NADSYN1: variants seen among roughly 807,000 people sequenced by gnomAD.
The protein encoded by NADSYN1 is NAD synthetase 1.
NADSYN1 carries 80 observed loss-of-function variants against 99.3 expected under a neutral mutation model. That is an observed-to-expected ratio of 0.81 (90% CI 0.67 to 0.97). NADSYN1 has a LOEUF of 0.97. NADSYN1 is among the 50% of genes least tolerant of loss of function. The pLI is 0.00. For missense variants in NADSYN1, 859 were observed against 948.5 expected, an observed-to-expected ratio of 0.91 and a Z score of 1.24; for synonymous variants, 385 against 372.1, an observed-to-expected ratio of 1.03 and a Z score of -0.40.
chr11:71,483,124 T>G, intron 14 of NADSYN1, 107 bp downstream of exon 14: 2 of 1,362,250 alleles, frequency 1.5e-6, no homozygotes, highest in Non-Finnish European at 2.1e-6. Context: ...TCATTCCGCA[T>G]CGTGTCATCC....
At chr11:71,454,521 T>G (rs1949500481) in intron 1 of NADSYN1, among the ~76,000 whole-genome samples, 1 of 152,234 alleles carries the variant, frequency 6.6e-6, no homozygotes, top group Non-Finnish European at 1.5e-5. Flanking sequence ...GGTTTTTTAT[T>G]TTTATTTTTT....
At chr11:71,499,004 C>T (rs767342536) in intron 20 of NADSYN1, 17 of 154,762 alleles carry the variant, frequency 1.1e-4, no homozygotes, top group Non-Finnish European at 2.4e-4. Flanking sequence ...CACAAGATCA[C>T]CTTTTCAAGA....
At chr11:71,486,646 C>T (rs1420749972) in intron 16 of NADSYN1, among the ~76,000 whole-genome samples, 6 of 151,774 alleles carry the variant, frequency 4.0e-5, no homozygotes, top group Non-Finnish European at 8.8e-5. Context: ...CATCTATCCA[C>T]TCATCTATCC....
chr11:71,479,263 A>AT (rs528917798), intron 10 of NADSYN1: 214 of 142,632 alleles, frequency 1.5e-3, no homozygotes, highest in South Asian at 2.0e-3. Context: ...ATTTTTTTTA[A>AT]TTTTTTTTTT....
At chr11:71,490,294 G>T (rs1949770245) in intron 16 of NADSYN1, among the ~76,000 whole-genome samples, 1 of 152,168 alleles carries the variant, frequency 6.6e-6, no homozygotes, top group African/African-American at 2.4e-5. Context: ...AAGGACCCCT[G>T]TGATTGCATT....
At position 71,498,460 on chromosome 11, in the gene NADSYN1, A is replaced by C. The variant is rs151053511; in HGVS notation, c.2002A>C (p.Arg668=). ...CGAGAACTACAGCCCTGAGGACAAC[A>C]GGTTTGATCTGCGACCATTTCTGTA... The part of the protein sequence containing the change: ...HAENYSPEDN[R]FDLRPFLYNT... The change falls in exon 20 of 21, where the codon AGG becomes CGG. Residue 668 remains arginine, a synonymous_variant. Coordinates refer to ENST00000319023, the MANE Select transcript of NADSYN1 (RefSeq NM_018161.5). The C allele has an allele frequency of 1.2e-6, 2 of 1,614,206 alleles. No individual in the cohort carries two copies. Among genetic ancestry groups the C allele is most frequent in the African/African-American group, 1.3e-5 (1 of 75,044 alleles).
intron 5 of NADSYN1, among the ~76,000 whole-genome samples, chr11:71,470,075 C>T (rs1009455158): frequency 7.9e-5 from 12 of 152,236 alleles, no homozygotes; most frequent in Admixed American, 2.6e-4. Flanking sequence ...CGGCAGAAGG[C>T]GAAAGCCATG....
At chr11:71,465,519 A>G (rs571359934) in intron 5 of NADSYN1, among the ~76,000 whole-genome samples, 1 of 152,318 alleles carries the variant, frequency 6.6e-6, no homozygotes, top group African/African-American at 2.4e-5. Flanking sequence ...CTGAATTTCC[A>G]TCTTCACCCG....
At chr11:71,468,386 G>A (rs1255539042) in intron 5 of NADSYN1, among the ~76,000 whole-genome samples, 6 of 152,184 alleles carry the variant, frequency 3.9e-5, no homozygotes, top group African/African-American at 9.7e-5. Context: ...ATAGCTGTGC[G>A]TGTAAATTAG....
At chr11:71,475,160 A>G (rs1949657066) in intron 9 of NADSYN1, 3 of 164,398 alleles carry the variant, frequency 1.8e-5, no homozygotes, top group South Asian at 1.5e-4. Flanking sequence ...AGACAGGTCC[A>G]GGGATCCCAT....
chr11:71,498,899 G>A, intron 20 of NADSYN1: 1 of 167,002 alleles, frequency 6.0e-6, no homozygotes. Context: ...ACCATGTCAT[G>A]CACTGGAGCT....
At chr11:71,464,328 T>C (rs1949572966) in intron 5 of NADSYN1, 186 bp downstream of exon 5, 3 of 549,564 alleles carry the variant, frequency 5.5e-6, no homozygotes, top group East Asian at 3.2e-5. Context: ...GAGAGAGTGA[T>C]TGAAAATGAA....
At chr11:71,490,110 T>C (rs1024709913) in intron 16 of NADSYN1, among the ~76,000 whole-genome samples, 2 of 152,170 alleles carry the variant, frequency 1.3e-5, no homozygotes, top group Non-Finnish European at 2.9e-5. Flanking sequence ...GTGGACACAG[T>C]GGGTTCCTTC....
rs1198240812 is a variant in NADSYN1, at chr11:71,490,944, C to T, written c.1662C>T (p.Cys554=). ...ACCTCAGGGCCTTCGTCCAGTTCTG[C>T]ATCCAGCGCTTCCAGCTTCCTGCCC... ...KTDLRAFVQF[C]IQRFQLPALQ... Residue 554 remains cysteine (C), a synonymous_variant, in exon 17 of 21, where the codon TGC becomes TGT. Transcript: ENST00000319023. The T allele has an allele frequency of 6.2e-7, 1 of 1,614,228 alleles. No individual in the cohort carries two copies. Among genetic ancestry groups the T allele is most frequent in the Admixed American group, 1.7e-5 (1 of 60,034 alleles).
At chr11:71,497,439 C>T in intron 18 of NADSYN1, 44 bp from the exon 19 acceptor site, 1 of 1,612,958 alleles carries the variant, frequency 6.2e-7, no homozygotes, top group Non-Finnish European at 8.5e-7. Flanking sequence ...TCTCCCCCCG[C>T]TGTGACTTGC....
intron 2 of NADSYN1, among the ~76,000 whole-genome samples, chr11:71,456,184 C>T (rs1949513359): frequency 6.6e-6 from 1 of 152,200 alleles, no homozygotes; most frequent in South Asian, 2.1e-4. Flanking sequence ...TGTGTGAGTC[C>T]AGAGGCATCT....
chr11:71,498,655 C>A, intron 20 of NADSYN1, 127 bp downstream of exon 20: 2 of 1,029,670 alleles, frequency 1.9e-6, no homozygotes, highest in Non-Finnish European at 1.4e-6. Flanking sequence ...CTCCTTTCTG[C>A]AAAGGGACAA....
At chr11:71,481,063 C>T in intron 11 of NADSYN1, 184 bp downstream of exon 11, 1 of 806,692 alleles carries the variant, frequency 1.2e-6, no homozygotes, top group Non-Finnish European at 1.9e-6. Flanking sequence ...GGGTGTGACC[C>T]CCAGCCCTGC....
rs760988945 is a variant in NADSYN1, at chr11:71,473,264, T to C, written c.460-14T>C. On this transcript the variant is annotated splice_polypyrimidine_tract_variant and intron_variant, in intron 6 of 20. Coordinates refer to ENST00000319023, the MANE Select transcript of NADSYN1 (RefSeq NM_018161.5). Reference sequence around the variant, plus strand: ...GGCTAGTGAATCTCATGCACTCTTCTCTTCCGACTGCAGGAAACCGTACCC... The same window carrying C: ...GGCTAGTGAATCTCATGCACTCTTCCCTTCCGACTGCAGGAAACCGTACCC... The C allele has an allele frequency of 4.8e-5, 78 of 1,613,154 alleles. No individual in the cohort carries two copies. The highest frequency in any genetic ancestry group is 6.3e-5 in the Non-Finnish European group (74 of 1,179,300).
Sources: gnomAD v4.1 joint callset for allele counts (sites outside exome capture counted in the v4.1 genomes callset) on GRCh38, gnomAD v4.1.1 for gene constraint, MANE v1.5 for transcripts, NCBI Gene and HGNC (gene_info 2026-07-23, HGNC 2026-07-21) for gene names.